Variants in RFT1 observed in about 807,000 individuals in gnomAD.
The protein encoded by RFT1 is RFT1 glycolipid translocator homolog.
RFT1 carries 43 observed loss-of-function variants against 62.2 expected under a neutral mutation model. That is an observed-to-expected ratio of 0.69 (90% CI 0.54 to 0.89). The LOEUF is 0.89. Among genes scored for constraint, RFT1 ranks in the 40% least tolerant of loss-of-function variants. RFT1 has a pLI of 0.00. For synonymous variants in RFT1, 262 were observed against 264.6 expected (o/e 0.99, Z 0.10); for missense variants, 605 against 649.9 (o/e 0.93, Z 0.75).
In RFT1 at chr3:53,088,635, G is replaced by A. The variant is rs1700909480; in HGVS notation, c.*3268C>T. 6.6e-6 allele frequency: 1 copy of A among 151,360 alleles called. No homozygotes were observed. The highest frequency in any genetic ancestry group is 6.6e-5 in the Admixed American group (1 of 15,188). The allele number at this position is 151,360 out of a possible 1,614,324, so 9.4% of individuals were successfully genotyped here. On this transcript the variant is annotated 3_prime_UTR_variant, in exon 13 of 13. Coordinates refer to ENST00000296292, the MANE Select transcript of RFT1 (RefSeq NM_052859.4). Reference sequence around the variant, plus strand: ...GAGGCAGGAGGATCACTTGAGCCCAGGAGTTCAAGGCAACAGTGAGATCCA... The same window carrying A: ...GAGGCAGGAGGATCACTTGAGCCCAAGAGTTCAAGGCAACAGTGAGATCCA...
chr3:53,075,444 T>G, the RFT1 span, among the ~76,000 whole-genome samples: 4 of 152,192 alleles, frequency 2.6e-5, no homozygotes, highest in Non-Finnish European at 5.9e-5. Flanking sequence ...ACAGCCTCCT[T>G]GAGGTACAGC....
At chr3:53,112,059 G>C (rs947490093) in intron 6 of RFT1, 151 bp from the exon 7 acceptor site, 1 of 710,786 alleles carries the variant, frequency 1.4e-6, no homozygotes, top group South Asian at 1.5e-5. Flanking sequence ...CACACAGAAG[G>C]CATCTCACAA....
chr3:53,087,781 A>G (rs1420464518), downstream of RFT1, among the ~76,000 whole-genome samples: 1 of 152,232 alleles, frequency 6.6e-6, no homozygotes, highest in Non-Finnish European at 1.5e-5. Flanking sequence ...TCAGCCTCCG[A>G]AAGTGTTGAG....
At position 53,092,458 on chromosome 3, in the gene RFT1, T is replaced by C; in HGVS notation, c.1369A>G (p.Ser457Gly). The change falls in exon 12 of 13, where the codon AGC becomes GGC. Residue 457 changes from serine (S) to glycine (G), a missense_variant. Ser to Gly is a moderately conservative substitution (Grantham distance 56). Transcript: ENST00000296292. Reference protein sequence around the residue: ...LCFIHRYYRRSPHRPLAGLHL... With the variant: ...LCFIHRYYRRGPHRPLAGLHL... Reference sequence around the variant, plus strand: ...AGGCCAGCCAGGGGCCTGTGGGGGCTCCTTCGGTAGTAGCGGTGGATGAAG... The same window carrying C: ...AGGCCAGCCAGGGGCCTGTGGGGGCCCCTTCGGTAGTAGCGGTGGATGAAG... The C allele has an allele frequency of 6.2e-7, 1 of 1,611,928 alleles. No homozygotes were observed. Among genetic ancestry groups the C allele is most frequent in the Non-Finnish European group, 8.5e-7 (1 of 1,179,372 alleles).
chr3:53,097,419 AACTGC>A (rs769597680), intron 11 of RFT1, among the ~76,000 whole-genome samples: 2 of 152,246 alleles, frequency 1.3e-5, no homozygotes, highest in African/African-American at 2.4e-5. Context: ...CCCACATGGG[AACTGC>A]ACTAGAAGGT....
intron 1 of RFT1, among the ~76,000 whole-genome samples, chr3:53,127,039 A>G (rs1386826915): frequency 6.6e-6 from 1 of 152,246 alleles, no homozygotes; most frequent in Non-Finnish European, 1.5e-5. Flanking sequence ...AGGTCTCCAA[A>G]GCCAAGAAAT....
At chr3:53,103,879 A>C in intron 10 of RFT1, 74 bp downstream of exon 10, 1 of 1,571,942 alleles carries the variant, frequency 6.4e-7, no homozygotes. Flanking sequence ...GTGTGTGCAC[A>C]AGTTCTTGAA....
intron 9 of RFT1, among the ~76,000 whole-genome samples, chr3:53,104,427 C>CT (rs1701407155): frequency 6.6e-6 from 1 of 151,336 alleles, no homozygotes; most frequent in Non-Finnish European, 1.5e-5. Context: ...GGGAGTCTCA[C>CT]TATGTTGACC....
chr3:53,083,971 G>C (rs1700806890), downstream of RFT1, among the ~76,000 whole-genome samples: 1 of 152,228 alleles, frequency 6.6e-6, no homozygotes, highest in South Asian at 2.1e-4. Context: ...TAATGTCCTA[G>C]GGGAAACAAA....
intron 7 of RFT1, among the ~76,000 whole-genome samples, chr3:53,110,533 T>C (rs1407247777): frequency 6.6e-6 from 1 of 152,160 alleles, no homozygotes; most frequent in African/African-American, 2.4e-5. Context: ...GAAACGTGTG[T>C]ACTCTCAAAG....
chr3:53,089,967 C>A lies in RFT1; in HGVS notation c.*1936G>T. On this transcript the variant is annotated 3_prime_UTR_variant, in exon 13 of 13. Transcript: ENST00000296292. ...CTGTTCCTGGAGCAGAGAACAGGCA[C>A]TGTGAGCATGAGCATGATGGTCCTG... is the stretch of plus-strand genomic sequence containing the variant. 1 of 152,864 alleles carries A rather than the reference C, an allele frequency of 6.5e-6. No homozygotes were observed. Among genetic ancestry groups the A allele is most frequent in the Non-Finnish European group, 1.5e-5 (1 of 68,100 alleles). The allele number at this position is 152,864 out of a possible 1,614,324, so 9.5% of individuals were successfully genotyped here.
At chr3:53,070,419 T>TTTTTTG in the RFT1 span, among the ~76,000 whole-genome samples, 2 of 146,818 alleles carry the variant, frequency 1.4e-5, no homozygotes, top group African/African-American at 5.1e-5. Flanking sequence ...TTTTTTTTTT[T>TTTTTTG]GAGACGGAGT....
intron 6 of RFT1, among the ~76,000 whole-genome samples, chr3:53,116,070 T>C (rs368311986): frequency 1.3e-5 from 2 of 152,378 alleles, no homozygotes; most frequent in African/African-American, 2.4e-5. Flanking sequence ...GTATCATTAA[T>C]TTATTATAAG....
rs144042263 is a variant in RFT1 at position 53,092,427 on chromosome 3, A to C, written c.1400T>G (p.Leu467Arg). 2.1e-4 allele frequency: 345 copies of C among 1,610,552 alleles called. No individual in the cohort carries two copies. In the African/African-American group the frequency reaches 4.3e-3, roughly 20 times the overall value. The change falls in exon 12 of 13, where the codon CTA becomes CGA. Residue 467 changes from leucine to arginine, a missense_variant. By Grantham distance (102) the Leu-to-Arg change is moderately radical. Transcript: ENST00000296292. ...AAATGTCCCGAGCAGGACTGGCGATAGGTGCAGGCCAGCCAGGGGCCTGTG... is the reference window on the plus strand; with the variant it reads ...AAATGTCCCGAGCAGGACTGGCGATCGGTGCAGGCCAGCCAGGGGCCTGTG... ...SPHRPLAGLH[L>R]SPVLLGTFAL...
intron 7 of RFT1, 37 bp downstream of exon 7, chr3:53,111,793 A>G: frequency 6.5e-7 from 1 of 1,547,720 alleles, no homozygotes; most frequent in East Asian, 2.2e-5. Context: ...CCCTTCTACT[A>G]TGGTCTCCCG....
chr3:53,124,966 T>C (rs1006000464), intron 2 of RFT1, among the ~76,000 whole-genome samples: 1 of 152,062 alleles, frequency 6.6e-6, no homozygotes, highest in Non-Finnish European at 1.5e-5. Flanking sequence ...GGCAAAAGCC[T>C]GTCGTCTCAA....
chr3:53,096,680 T>C (rs1701150322), intron 11 of RFT1, among the ~76,000 whole-genome samples: 1 of 151,956 alleles, frequency 6.6e-6, no homozygotes, highest in Admixed American at 6.6e-5. Context: ...GAGACTCTTG[T>C]CTCAAAAAAA....
chr3:53,081,221 T>G, the RFT1 span, among the ~76,000 whole-genome samples: 1 of 152,184 alleles, frequency 6.6e-6, no homozygotes, highest in African/African-American at 2.4e-5. Flanking sequence ...CTAGGCCAGG[T>G]GCCTTCTGCA....
At position 53,090,866 on chromosome 3, in the gene RFT1, A is replaced by G. The variant is rs966559604; in HGVS notation, c.*1037T>C. The G allele has an allele frequency of 1.3e-5, 2 of 152,260 alleles. No individual in the cohort carries two copies. The highest frequency in any genetic ancestry group is 4.8e-5 in the African/African-American group (2 of 41,462). 9.4% of individuals were successfully genotyped at this position (152,260 alleles called of 1,614,324 possible). A position where few individuals can be genotyped will look rare whatever the true frequency, so the allele number is the denominator to read the frequency against. Reference sequence around the variant, plus strand: ...TGCAGAACACCTGGGCTCACACTGTAGCCTGGAGTACCAGGCCCCCATGCC... The same window carrying G: ...TGCAGAACACCTGGGCTCACACTGTGGCCTGGAGTACCAGGCCCCCATGCC... On this transcript the variant is annotated 3_prime_UTR_variant, in exon 13 of 13. Coordinates refer to ENST00000296292, the MANE Select transcript of RFT1 (RefSeq NM_052859.4).
Sources: gnomAD v4.1 joint callset for allele counts (sites outside exome capture counted in the v4.1 genomes callset) on GRCh38, gnomAD v4.1.1 for gene constraint, MANE v1.5 for transcripts, NCBI Gene and HGNC (gene_info 2026-07-23, HGNC 2026-07-21) for gene names.